ITPR2: variants seen among roughly 807,000 people sequenced by gnomAD.
The protein encoded by ITPR2 is inositol 1,4,5-trisphosphate-gated calcium channel ITPR2.
ITPR2 carries 207 observed loss-of-function variants against 317.1 expected under a neutral mutation model. That is an observed-to-expected ratio of 0.65 (90% CI 0.58 to 0.73). The LOEUF is 0.73. ITPR2 is among the 30% of genes least tolerant of loss of function. The pLI is 0.00. For synonymous variants in ITPR2, 1,156 were observed against 1,149.1 expected (o/e 1.01, Z -0.12); for missense variants, 2,613 against 3,284.0 (o/e 0.80, Z 4.99).
chr12:26,671,168 G>A (rs1226988536), intron 13 of ITPR2, among the ~76,000 whole-genome samples: 2 of 152,136 alleles, frequency 1.3e-5, no homozygotes, highest in Non-Finnish European at 2.9e-5. Flanking sequence ...AGCAAAGCAG[G>A]ACAACATTCA....
At chr12:26,505,792 A>G (rs1164623188) in intron 37 of ITPR2, among the ~76,000 whole-genome samples, 1 of 152,140 alleles carries the variant, frequency 6.6e-6, no homozygotes, top group Non-Finnish European at 1.5e-5. Context: ...GTATGAATCA[A>G]TGATTTTGAA....
intron 45 of ITPR2, among the ~76,000 whole-genome samples, chr12:26,471,232 A>G (rs1384414477): frequency 2.6e-5 from 4 of 152,210 alleles, no homozygotes; most frequent in African/African-American, 9.7e-5. Context: ...AGAGGAACAG[A>G]AATTGCTTCA....
At chr12:26,424,354 G>A (rs1940981196) in intron 49 of ITPR2, among the ~76,000 whole-genome samples, 2 of 152,116 alleles carry the variant, frequency 1.3e-5, no homozygotes, top group Non-Finnish European at 2.9e-5. Flanking sequence ...TCAGGTAGAT[G>A]TCTTCTTTTG....
At chr12:26,424,782 C>T (rs1941007102) in intron 49 of ITPR2, among the ~76,000 whole-genome samples, 1 of 150,586 alleles carries the variant, frequency 6.6e-6, no homozygotes, top group African/African-American at 2.4e-5. Context: ...GTTTTTGAAA[C>T]AGAATCCCAT....
intron 45 of ITPR2, among the ~76,000 whole-genome samples, chr12:26,445,522 AAAACC>A (rs1941588710): frequency 6.7e-6 from 1 of 148,992 alleles, no homozygotes; most frequent in East Asian, 1.9e-4. Context: ...AGGTAGGAAC[AAAACC>A]CCACGCAGCC....
intron 13 of ITPR2, among the ~76,000 whole-genome samples, chr12:26,678,495 GA>G (rs1357675013): frequency 1.3e-5 from 2 of 151,970 alleles, no homozygotes; most frequent in Non-Finnish European, 2.9e-5. Flanking sequence ...TCCATAGGGG[GA>G]AAAAAGTCAG....
chr12:26,502,915 T>C (rs1189353936), intron 37 of ITPR2, among the ~76,000 whole-genome samples: 1 of 152,156 alleles, frequency 6.6e-6, no homozygotes, highest in African/African-American at 2.4e-5. Flanking sequence ...AATCATTTAG[T>C]GAAGACAGGC....
At chr12:26,495,284 T>A in intron 37 of ITPR2, 24 bp from the exon 38 acceptor site, 2 of 1,270,086 alleles carry the variant, frequency 1.6e-6, no homozygotes, top group Non-Finnish European at 1.1e-6. Flanking sequence ...TAACAAAGAG[T>A]TACTGTTCCC....
chr12:26,361,173 C>T (rs1938816859), intron 55 of ITPR2, among the ~76,000 whole-genome samples: 1 of 151,022 alleles, frequency 6.6e-6, no homozygotes, highest in Non-Finnish European at 1.5e-5. Flanking sequence ...CGAGATGGCA[C>T]CACTGCACTC....
chr12:26,485,554 C>G (rs1942646525), intron 41 of ITPR2, among the ~76,000 whole-genome samples: 1 of 152,312 alleles, frequency 6.6e-6, no homozygotes, highest in African/African-American at 2.4e-5. Context: ...ATCCTAAGTT[C>G]ATTTATCTAA....
intron 16 of ITPR2, among the ~76,000 whole-genome samples, chr12:26,658,607 C>T (rs1332381234): frequency 6.6e-6 from 1 of 152,226 alleles, no homozygotes; most frequent in Non-Finnish European, 1.5e-5. Flanking sequence ...GGAAACATTG[C>T]CAATTGGCTT....
At chr12:26,669,760 G>A (rs956819804) in intron 13 of ITPR2, among the ~76,000 whole-genome samples, 1 of 152,262 alleles carries the variant, frequency 6.6e-6, no homozygotes, top group African/African-American at 2.4e-5. Flanking sequence ...CCTCACTCAG[G>A]AAGCGCAAGG....
At chr12:26,752,385 C>T (rs1026337770) in intron 2 of ITPR2, among the ~76,000 whole-genome samples, 1 of 152,112 alleles carries the variant, frequency 6.6e-6, no homozygotes, top group Non-Finnish European at 1.5e-5. Flanking sequence ...AGATACAGGT[C>T]GTAAAGACCT....
At position 26,687,819 on chromosome 12, in the gene ITPR2, C is replaced by T. The variant is rs75435845; in HGVS notation, c.997-1187G>A. Among the ~76,000 whole-genome samples the T allele has an allele frequency of 6.6e-5, 10 of 152,318 alleles. No homozygotes were observed. In the East Asian group the frequency reaches 1.9e-3, roughly 29 times the overall value. ...ACCAGGTAGCTCCCGTCATCTTTGA[C>T]TTCTGTGTCTTCCACAGAGACCAAA... On this transcript the variant is annotated intron_variant, in intron 10 of 56. Transcript: ENST00000381340.
intron 1 of ITPR2, among the ~76,000 whole-genome samples, chr12:26,808,574 G>A (rs1179729064): frequency 3.9e-5 from 6 of 152,146 alleles, no homozygotes; most frequent in Non-Finnish European, 8.8e-5. Context: ...ATTATTGCAT[G>A]TTAGCACAAG....
chr12:26,486,960 G>A (rs1247845786), intron 40 of ITPR2, 108 bp downstream of exon 40: 6 of 1,122,110 alleles, frequency 5.3e-6, no homozygotes, highest in Non-Finnish European at 6.8e-6. Context: ...AGCCACAGTG[G>A]GGATAATTAA....
chr12:26,743,937 C>G (rs1345055345), intron 2 of ITPR2, among the ~76,000 whole-genome samples: 1 of 152,138 alleles, frequency 6.6e-6, no homozygotes, highest in Non-Finnish European at 1.5e-5. Context: ...ACAATGACAC[C>G]TCTATAGGTT....
At chr12:26,542,635 C>T (rs1406491645) in intron 37 of ITPR2, among the ~76,000 whole-genome samples, 3 of 152,124 alleles carry the variant, frequency 2.0e-5, no homozygotes, top group Non-Finnish European at 4.4e-5. Flanking sequence ...TTTTTAAAAC[C>T]GTTGCTTAAA....
intron 34 of ITPR2, among the ~76,000 whole-genome samples, chr12:26,569,726 T>C (rs1443930459): frequency 2.0e-5 from 3 of 152,160 alleles, no homozygotes; most frequent in African/African-American, 7.2e-5. Flanking sequence ...AATCATTTAA[T>C]GTTTTTTTCC....
Sources: allele counts gnomAD v4.1 joint callset (sites outside exome capture counted in the v4.1 genomes callset), GRCh38; gene constraint gnomAD v4.1.1; transcripts MANE v1.5; gene names NCBI Gene and HGNC (gene_info 2026-07-23, HGNC 2026-07-21).